Variants in ANKFN1 observed in about 807,000 individuals in gnomAD.
The protein encoded by ANKFN1 is ankyrin repeat and fibronectin type III domain containing 1.
A neutral mutation model predicts 108.7 loss-of-function variants in ANKFN1; 74 were observed. That is an observed-to-expected ratio of 0.68 (90% CI 0.56 to 0.83). The LOEUF (loss-of-function observed/expected upper bound fraction) is 0.83, where lower values mean the gene tolerates loss of function less well. Ranked by LOEUF, ANKFN1 falls within the 40% of genes least tolerant of loss-of-function variation. ANKFN1 has a pLI of 0.00. For synonymous variants in ANKFN1, 547 were observed against 516.2 expected (o/e 1.06, Z -0.81); for missense variants, 1,505 against 1,382.3 (o/e 1.09, Z -1.41).
At chr17:56,315,305 C>T (rs1475416033) in intron 3 of ANKFN1, among the ~76,000 whole-genome samples, 1 of 152,028 alleles carries the variant, frequency 6.6e-6, no homozygotes, top group Non-Finnish European at 1.5e-5. Flanking sequence ...CAGAAAACTC[C>T]CACTTTTCCT....
chr17:56,417,880 T>G (rs1351087253), intron 8 of ANKFN1, among the ~76,000 whole-genome samples: 1 of 152,204 alleles, frequency 6.6e-6, no homozygotes, highest in East Asian at 1.9e-4. Flanking sequence ...TTCAAGGCGT[T>G]AGGTCTTAAG....
chr17:56,253,035 C>T (rs936764582), intron 3 of ANKFN1, among the ~76,000 whole-genome samples: 4 of 152,104 alleles, frequency 2.6e-5, no homozygotes, highest in Non-Finnish European at 5.9e-5. Context: ...TGCATCCAAC[C>T]TGGGTGACAG....
rs749177645 is a variant in ANKFN1 at position 56,477,522 on chromosome 17, G to A, written c.1808G>A (p.Arg603His). The change falls in exon 16 of 21, where the codon CGT (arginine) becomes CAT (histidine). Residue 603 changes from arginine (R) to histidine (H), a missense_variant. Physicochemically the swap from Arg to His is conservative, Grantham distance 29 (BLOSUM62 0). Coordinates refer to ENST00000682825, the MANE Select transcript of ANKFN1 (RefSeq NM_001370326.1). ...ILSYHKRSHQRLFPGLYLGYL... is the reference protein window; with the variant it reads ...ILSYHKRSHQHLFPGLYLGYL... ...TCCTATCACAAAAGGAGTCATCAGC[G>A]TCTCTTTCCTGGATTATATCTGGGT... The A allele has an allele frequency of 4.2e-5, 68 of 1,605,952 alleles. No homozygotes were observed. The East Asian group carries it at 4.7e-4, about 11-fold the overall frequency.
intron 6 of ANKFN1, among the ~76,000 whole-genome samples, chr17:56,366,221 AC>A: frequency 6.6e-6 from 1 of 152,168 alleles, no homozygotes; most frequent in Admixed American, 6.5e-5. Context: ...ATATTTTTGT[AC>A]AGTGGTACTG....
At chr17:56,219,920 A>G (rs1320673947) in intron 2 of ANKFN1, among the ~76,000 whole-genome samples, 2 of 152,270 alleles carry the variant, frequency 1.3e-5, no homozygotes, top group Non-Finnish European at 2.9e-5. Flanking sequence ...CAAATCCAAA[A>G]TGACCTTAAA....
intron 3 of ANKFN1, among the ~76,000 whole-genome samples, chr17:56,248,773 G>T (rs1266577805): frequency 6.6e-6 from 1 of 152,158 alleles, no homozygotes; most frequent in Non-Finnish European, 1.5e-5. Flanking sequence ...TTTAACACTT[G>T]TCATGGTTTC....
chr17:56,498,746 A>G, intron 19 of ANKFN1, 136 bp from the exon 20 acceptor site: 3 of 712,744 alleles, frequency 4.2e-6, no homozygotes, highest in Non-Finnish European at 6.8e-6. Flanking sequence ...TGGCTTAACA[A>G]ATCTATGTTA....
chr17:56,516,874 G>T lies in ANKFN1; in HGVS notation c.*5605G>T, dbSNP rs1463887504. On this transcript the variant is annotated 3_prime_UTR_variant, in exon 21 of 21. Coordinates refer to ENST00000682825, the MANE Select transcript of ANKFN1 (RefSeq NM_001370326.1). The stretch of plus-strand genomic sequence containing the variant: ...TATACTTTATGTCTTACCTAATATT[G>T]TTGATATCTAAGTCAAGCATGAAGT... 6.6e-6 allele frequency among the ~76,000 whole-genome samples: 1 copy of T among 152,042 alleles called. No homozygotes were observed. Among genetic ancestry groups the T allele is most frequent in the Non-Finnish European group, 1.5e-5 (1 of 68,008 alleles).
At chr17:56,460,056 T>TTAAA (rs375290755) in intron 14 of ANKFN1, among the ~76,000 whole-genome samples, 1 of 148,052 alleles carries the variant, frequency 6.8e-6, no homozygotes, top group Non-Finnish European at 1.5e-5. Context: ...CATTGCCACA[T>TTAAA]AAAAAAAAAA....
chr17:56,478,682 G>GAA (rs1346395948), intron 16 of ANKFN1, among the ~76,000 whole-genome samples: 1 of 136,190 alleles, frequency 7.3e-6, no homozygotes, highest in Non-Finnish European at 1.6e-5. Flanking sequence ...CATAAAAAAA[G>GAA]AAAGAGAAGA....
intron 8 of ANKFN1, among the ~76,000 whole-genome samples, chr17:56,409,466 G>A (rs116120397): frequency 0.021 from 3,214 of 152,276 alleles, 115 homozygotes; most frequent in African/African-American, 0.071. Context: ...ACCAGCTAGT[G>A]GCCTCAGAGC....
rs565736123 is a variant in ANKFN1 at position 56,456,639 on chromosome 17, G to GC, written c.1208-216dup. On this transcript the variant is annotated intron_variant, in intron 11 of 20. Coordinates refer to ENST00000682825, the MANE Select transcript of ANKFN1 (RefSeq NM_001370326.1). ...TCTTGAACTCCTGACCTCGTGATCCGCCCCCCTCGGCCTCCCAAAGTACTG... is the reference window on the plus strand; with the variant it reads ...TCTTGAACTCCTGACCTCGTGATCCGCCCCCCCTCGGCCTCCCAAAGTACTG... 1.8e-3 allele frequency among the ~76,000 whole-genome samples: 278 copies of GC among 151,766 alleles called. 2 individuals carry two copies. Among genetic ancestry groups the GC allele is most frequent in the African/African-American group, 6.4e-3 (266 of 41,394 alleles).
intron 3 of ANKFN1, among the ~76,000 whole-genome samples, chr17:56,321,462 A>G (rs78302247): frequency 0.011 from 1,109 of 99,522 alleles, 6 homozygotes; most frequent in Middle Eastern, 0.035. Flanking sequence ...ACTCCCTAAG[A>G]AAAAAAAAAA....
intron 1 of ANKFN1, among the ~76,000 whole-genome samples, chr17:56,178,598 G>A (rs529861908): frequency 1.7e-4 from 26 of 152,084 alleles, no homozygotes; most frequent in South Asian, 6.3e-4. Context: ...AGACTCTCTC[G>A]GTGTGGGCCT....
chr17:56,100,962 C>A (rs1220231624), intron 4 of ANKFN1, among the ~76,000 whole-genome samples: 1 of 152,080 alleles, frequency 6.6e-6, no homozygotes, highest in Non-Finnish European at 1.5e-5. Flanking sequence ...GAAATTCTAA[C>A]CTTCAATGTG....
At chr17:56,280,063 G>A (rs1194284703) in intron 3 of ANKFN1, among the ~76,000 whole-genome samples, 1 of 147,334 alleles carries the variant, frequency 6.8e-6, no homozygotes, top group African/African-American at 2.6e-5. Context: ...AGGCTGGAGT[G>A]CAGTGGTGCG....
intron 8 of ANKFN1, among the ~76,000 whole-genome samples, chr17:56,384,351 G>A (rs1179619891): frequency 6.6e-6 from 1 of 152,136 alleles, no homozygotes; most frequent in East Asian, 1.9e-4. Flanking sequence ...AGCTATCTAT[G>A]ACAAACCCAC....
intron 3 of ANKFN1, chr17:56,323,273 G>C (rs986339714): frequency 6.6e-6 from 1 of 152,294 alleles, no homozygotes; most frequent in Non-Finnish European, 1.5e-5. Flanking sequence ...ATCCCATCTC[G>C]TGCTGTAGTC....
intron 4 of ANKFN1, among the ~76,000 whole-genome samples, chr17:56,348,629 T>C (rs948483426): frequency 2.6e-5 from 4 of 152,054 alleles, no homozygotes; most frequent in Non-Finnish European, 5.9e-5. Flanking sequence ...GATATACATG[T>C]GGCCAATAAA....
Sources: gnomAD v4.1 joint callset for allele counts (sites outside exome capture counted in the v4.1 genomes callset) on GRCh38, gnomAD v4.1.1 for gene constraint, MANE v1.5 for transcripts, NCBI Gene and HGNC (gene_info 2026-07-23, HGNC 2026-07-21) for gene names.